PRKCA: variants seen among roughly 807,000 people sequenced by gnomAD.
PRKCA encodes protein kinase C alpha.
A neutral mutation model predicts 87.0 loss-of-function variants in PRKCA; 27 were observed. The observed-to-expected ratio is 0.31, with a 90% confidence interval of 0.23 to 0.43. The LOEUF (loss-of-function observed/expected upper bound fraction) is 0.43. Ranked by LOEUF, PRKCA falls within the 20% of genes least tolerant of loss-of-function variation. The probability of loss-of-function intolerance (pLI) is 1.00; values close to 1 mark genes in which losing one functional copy is unlikely to be tolerated. For missense variants in PRKCA, 518 were observed against 852.3 expected, an observed-to-expected ratio of 0.61 and a Z score of 4.88; for synonymous variants, 329 against 311.1, an observed-to-expected ratio of 1.06 and a Z score of -0.61.
chr17:66,568,895 CTT>C (rs34226607), intron 3 of PRKCA, among the ~76,000 whole-genome samples: 2 of 151,876 alleles, frequency 1.3e-5, no homozygotes, highest in Non-Finnish European at 2.9e-5. Flanking sequence ...TCTTTGGAAA[CTT>C]TTTTCTGGGT....
chr17:66,701,904 A>T (rs1000765358), intron 8 of PRKCA, among the ~76,000 whole-genome samples: 4 of 152,138 alleles, frequency 2.6e-5, no homozygotes. Flanking sequence ...GACAGTATGG[A>T]TGTCTCTTAA....
chr17:66,375,778 G>A (rs1195965369), intron 2 of PRKCA, among the ~76,000 whole-genome samples: 1 of 152,164 alleles, frequency 6.6e-6, no homozygotes, highest in Non-Finnish European at 1.5e-5. Flanking sequence ...TAAAGATACA[G>A]AGGCTCATAA....
At chr17:66,619,646 A>C (rs975104106) in intron 3 of PRKCA, among the ~76,000 whole-genome samples, 26 of 152,194 alleles carry the variant, frequency 1.7e-4, no homozygotes, top group African/African-American at 7.2e-5. Flanking sequence ...TGCTGTGCAA[A>C]TTCCACAAAG....
chr17:66,534,458 G>C (rs1198580661), intron 3 of PRKCA, among the ~76,000 whole-genome samples: 1 of 152,132 alleles, frequency 6.6e-6, no homozygotes, highest in African/African-American at 2.4e-5. Context: ...ACGAGGTCAA[G>C]AGATCAAGAC....
intron 2 of PRKCA, among the ~76,000 whole-genome samples, chr17:66,330,327 G>A (rs552787750): frequency 2.0e-4 from 31 of 151,946 alleles, no homozygotes; most frequent in African/African-American, 4.6e-4. Context: ...GGTTGGTCTC[G>A]AGCTCCTGAC....
At chr17:66,434,829 C>CT (rs1250770099) in intron 2 of PRKCA, among the ~76,000 whole-genome samples, 3 of 152,136 alleles carry the variant, frequency 2.0e-5, no homozygotes, top group Non-Finnish European at 4.4e-5. Flanking sequence ...TACTACCTAC[C>CT]TTGTGGGGTT....
Position 66,792,258 on chromosome 17 carries a change from C to CT in PRKCA, c.1854+3281dup, listed in dbSNP as rs1402615180. ...TGGCTCCCATGGAATTAAACCTTTG[C>CT]TTACTACCAAATACCAGTAGCGGGA... On this transcript the variant is annotated intron_variant, in intron 16 of 16. Transcript: ENST00000413366. This position sits in a 1 kb window ranked among gnomAD's most constrained non-coding sequence, Gnocchi z 4.5. Among the ~76,000 whole-genome samples, 2 of 152,226 alleles carry CT rather than the reference C, an allele frequency of 1.3e-5. No homozygotes were observed. The highest frequency in any genetic ancestry group is 1.3e-4 in the Admixed American group (2 of 15,284).
At chr17:66,756,199 C>T (rs1294360057) in intron 13 of PRKCA, among the ~76,000 whole-genome samples, 1 of 152,164 alleles carries the variant, frequency 6.6e-6, no homozygotes, top group African/African-American at 2.4e-5. Context: ...TGAAATATGC[C>T]AGAGCATCCC....
At chr17:66,697,024 T>C (rs1478264366) in intron 8 of PRKCA, among the ~76,000 whole-genome samples, 1 of 152,196 alleles carries the variant, frequency 6.6e-6, no homozygotes, top group African/African-American at 2.4e-5. Flanking sequence ...ATAATTAATC[T>C]GATTTTCCCC....
At chr17:66,362,788 A>G (rs765811855) in intron 2 of PRKCA, among the ~76,000 whole-genome samples, 4 of 151,494 alleles carry the variant, frequency 2.6e-5, no homozygotes, top group Non-Finnish European at 4.4e-5. Flanking sequence ...TCTGCCTCCC[A>G]GGTTCAAGCA....
chr17:66,351,981 C>T (rs544296019), intron 2 of PRKCA, among the ~76,000 whole-genome samples: 2 of 152,284 alleles, frequency 1.3e-5, no homozygotes, highest in East Asian at 1.9e-4. Flanking sequence ...GGCAGTGTCA[C>T]GTCGTGAGCA....
chr17:66,391,547 A>G (rs748068703), intron 2 of PRKCA, among the ~76,000 whole-genome samples: 1 of 152,166 alleles, frequency 6.6e-6, no homozygotes, highest in Non-Finnish European at 1.5e-5. Flanking sequence ...TTAAACACTT[A>G]TTGGATAAGA....
chr17:66,802,795 G>A (rs1393222970), intron 16 of PRKCA, among the ~76,000 whole-genome samples: 1 of 152,228 alleles, frequency 6.6e-6, no homozygotes, highest in East Asian at 1.9e-4. Context: ...GCTATTCTCT[G>A]TTAGAGACCC....
intron 13 of PRKCA, among the ~76,000 whole-genome samples, chr17:66,743,621 TGTCACTGTA>T (rs1436132227): frequency 6.6e-6 from 1 of 152,298 alleles, no homozygotes; most frequent in Middle Eastern, 3.4e-3. Context: ...TAGAATGGGT[TGTCACTGTA>T]GTCACTGTAG....
At chr17:66,404,359 A>G (rs1834238345) in intron 2 of PRKCA, among the ~76,000 whole-genome samples, 1 of 152,190 alleles carries the variant, frequency 6.6e-6, no homozygotes, top group African/African-American at 2.4e-5. Flanking sequence ...GCTGGTTCCT[A>G]TTCTTGACTC....
chr17:66,702,363 G>T (rs1408933403), intron 8 of PRKCA, among the ~76,000 whole-genome samples: 1 of 152,076 alleles, frequency 6.6e-6, no homozygotes. Context: ...CTTATATGTG[G>T]AATCTTAAGA....
chr17:66,433,118 C>A (rs1913183480), intron 2 of PRKCA, among the ~76,000 whole-genome samples: 1 of 152,090 alleles, frequency 6.6e-6, no homozygotes, highest in Non-Finnish European at 1.5e-5. Context: ...TTTGGATATA[C>A]CCTCACTGCC....
At chr17:66,539,868 A>G (rs1045977141) in intron 3 of PRKCA, among the ~76,000 whole-genome samples, 4 of 152,254 alleles carry the variant, frequency 2.6e-5, no homozygotes, top group Non-Finnish European at 5.9e-5. Flanking sequence ...TGCAGTGTGC[A>G]GTCCTAGGTG....
At chr17:66,460,783 C>T (rs894596109) in intron 2 of PRKCA, among the ~76,000 whole-genome samples, 3 of 152,278 alleles carry the variant, frequency 2.0e-5, no homozygotes, top group Middle Eastern at 3.4e-3. Context: ...GCTAGCAAAG[C>T]GGGGACTGAA....
Sources: allele counts gnomAD v4.1 joint callset (sites outside exome capture counted in the v4.1 genomes callset), GRCh38; gene constraint gnomAD v4.1.1; non-coding constraint Gnocchi (gnomAD v3.1); transcripts MANE v1.5; gene names NCBI Gene and HGNC (gene_info 2026-07-23, HGNC 2026-07-21).